QPCT: variants seen among roughly 807,000 people sequenced by gnomAD.
QPCT encodes glutaminyl-peptide cyclotransferase.
Under a neutral mutation model 43.4 loss-of-function variants are expected in QPCT, and 44 were observed. The observed-to-expected ratio is 1.01, with a 90% CI of 0.80 to 1.30. QPCT has a LOEUF of 1.30. Among genes scored for constraint, QPCT ranks in the 50% most tolerant of loss-of-function variants. QPCT has a pLI of 0.00. For synonymous variants in QPCT, 168 were observed against 168.4 expected (o/e 1.00, Z 0.02); for missense variants, 526 against 436.5 (o/e 1.21, Z -1.83).
At chr2:37,354,513 A>G (rs1339199455) in intron 2 of QPCT, among the ~76,000 whole-genome samples, 2 of 152,206 alleles carry the variant, frequency 1.3e-5, no homozygotes, top group Admixed American at 6.5e-5. Flanking sequence ...ATATGAATTA[A>G]CTTGCTCAAG....
At chr2:37,361,760 T>A (rs1007277728) in intron 3 of QPCT, among the ~76,000 whole-genome samples, 1 of 152,244 alleles carries the variant, frequency 6.6e-6, no homozygotes, top group African/African-American at 2.4e-5. Flanking sequence ...TAAGCCACTG[T>A]GTTGATGGGG....
chr2:37,348,034 T>TTCTGTC (rs1176499849), intron 1 of QPCT, among the ~76,000 whole-genome samples: 3 of 76,592 alleles, frequency 3.9e-5, no homozygotes, highest in Admixed American at 3.4e-4. Flanking sequence ...GTGTTTTTAT[T>TTCTGTC]TCTATCTCTC....
At chr2:37,356,513 T>G (rs948511408) in intron 2 of QPCT, among the ~76,000 whole-genome samples, 1 of 152,188 alleles carries the variant, frequency 6.6e-6, no homozygotes, top group African/African-American at 2.4e-5. Flanking sequence ...CACTCCCTGC[T>G]TACGGGTATT....
intron 3 of QPCT, among the ~76,000 whole-genome samples, chr2:37,361,833 G>T (rs976833045): frequency 2.6e-5 from 4 of 152,224 alleles, no homozygotes; most frequent in African/African-American, 9.6e-5. Context: ...GGGAAGGACT[G>T]CAGATAACCC....
chr2:37,370,347 AAATACTACATTTCATGTTT>A (rs33960638), intron 5 of QPCT, among the ~76,000 whole-genome samples: 1,828 of 152,282 alleles, frequency 0.012, 33 homozygotes, highest in African/African-American at 0.042. Flanking sequence ...TGGAAACATA[AAATACTACATTTCATGTTT>A]GCACATCCTT....
At position 37,354,809 on chromosome 2, in the gene QPCT, C is replaced by T. The variant is rs563724828; in HGVS notation, c.267+1874C>T. 9.2e-5 allele frequency among the ~76,000 whole-genome samples: 14 copies of T among 152,286 alleles called. No individual in the cohort carries two copies. In the South Asian group the frequency reaches 1.7e-3, roughly 18 times the overall value. ...ATCTAGGTCTGTGATGCTTACTCTT[C>T]CCATTCAACTCAACCTTTTTTTTTT... On this transcript the variant is annotated intron_variant, in intron 2 of 6. Coordinates refer to ENST00000338415, the MANE Select transcript of QPCT (RefSeq NM_012413.4).
intron 4 of QPCT, among the ~76,000 whole-genome samples, chr2:37,369,457 A>G (rs1314606996): frequency 6.6e-6 from 1 of 152,252 alleles, no homozygotes; most frequent in Admixed American, 6.5e-5. Flanking sequence ...AGTTACATAC[A>G]CAAATAATCA....
At chr2:37,372,010 AT>A (rs1303688414) in intron 5 of QPCT, among the ~76,000 whole-genome samples, 1 of 152,120 alleles carries the variant, frequency 6.6e-6, no homozygotes, top group African/African-American at 2.4e-5. Flanking sequence ...TCTTGGACCT[AT>A]AAGCATCTAC....
chr2:37,363,097 C>G (rs1379641332), intron 3 of QPCT, among the ~76,000 whole-genome samples: 1 of 152,146 alleles, frequency 6.6e-6, no homozygotes, highest in Admixed American at 6.5e-5. Flanking sequence ...TCTTCAGCAC[C>G]AGAAAGCCAT....
chr2:37,345,811 G>A (rs938657316), intron 1 of QPCT, among the ~76,000 whole-genome samples: 1 of 150,154 alleles, frequency 6.7e-6, no homozygotes, highest in Non-Finnish European at 1.5e-5. Flanking sequence ...GCTCCAACCT[G>A]GGCGACACAG....
Position 37,359,561 on chromosome 2 carries a change from GT to G in QPCT, c.268-12del, listed in dbSNP as rs755641050. On this transcript the variant is annotated intron_variant, in intron 2 of 6. Coordinates refer to ENST00000338415, the MANE Select transcript of QPCT (RefSeq NM_012413.4). ...CCATTTCTTTAGATCTAAATTTTTT[GT>G]TTTTTTGTTTTGATCAGCACATCAT... 9.0e-5 allele frequency: 142 copies of G among 1,577,564 alleles called. No homozygotes were observed. The highest frequency in any genetic ancestry group is 1.2e-4 in the Non-Finnish European group (140 of 1,161,940).
At chr2:37,357,652 A>T (rs1347197991) in intron 2 of QPCT, among the ~76,000 whole-genome samples, 1 of 152,212 alleles carries the variant, frequency 6.6e-6, no homozygotes, top group Non-Finnish European at 1.5e-5. Flanking sequence ...ATTTAGGACA[A>T]AGTCCACCCA....
chr2:37,346,515 G>C (rs1672491511), intron 1 of QPCT, among the ~76,000 whole-genome samples: 1 of 152,202 alleles, frequency 6.6e-6, no homozygotes. Flanking sequence ...TCATTTGTAG[G>C]TGTGTGTAGG....
At chr2:37,354,622 G>A (rs1046432152) in intron 2 of QPCT, among the ~76,000 whole-genome samples, 1 of 152,122 alleles carries the variant, frequency 6.6e-6, no homozygotes, top group African/African-American at 2.4e-5. Flanking sequence ...GCACTCAAAT[G>A]TCTCCAGCTC....
chr2:37,372,291 G>T, intron 5 of QPCT, 65 bp from the exon 6 acceptor site: 1 of 1,144,860 alleles, frequency 8.7e-7, no homozygotes, highest in South Asian at 1.2e-5. Flanking sequence ...CTTAAATAAG[G>T]ATACATTATG....
At chr2:37,360,419 C>A in intron 3 of QPCT, among the ~76,000 whole-genome samples, 1 of 152,138 alleles carries the variant, frequency 6.6e-6, no homozygotes, top group Non-Finnish European at 1.5e-5. Context: ...GCTCTCAGCT[C>A]AAAATACTTC....
intron 1 of QPCT, among the ~76,000 whole-genome samples, chr2:37,346,114 C>G (rs1558598864): frequency 6.6e-6 from 1 of 152,012 alleles, no homozygotes; most frequent in Non-Finnish European, 1.5e-5. Context: ...CTGGTAAATG[C>G]CCACTCCCAC....
intron 1 of QPCT, among the ~76,000 whole-genome samples, chr2:37,345,313 G>A (rs1044085983): frequency 1.3e-5 from 2 of 150,290 alleles, no homozygotes; most frequent in Non-Finnish European, 3.0e-5. Flanking sequence ...CTGGGGCGCT[G>A]AAGTGTCCCT....
intron 4 of QPCT, 77 bp downstream of exon 4, chr2:37,367,485 G>T: frequency 7.0e-7 from 1 of 1,431,650 alleles, no homozygotes; most frequent in Non-Finnish European, 9.5e-7. Context: ...GCCAAGTAAA[G>T]ACCTAAAAAT....
Sources: allele counts gnomAD v4.1 joint callset (sites outside exome capture counted in the v4.1 genomes callset), GRCh38; gene constraint gnomAD v4.1.1; transcripts MANE v1.5; gene names NCBI Gene and HGNC (gene_info 2026-07-23, HGNC 2026-07-21).